The following RGS3 variants were observed in gnomAD, a reference collection of about 807,000 sequenced individuals.
RGS3 encodes the protein regulator of G-protein signalling 3.
Under a neutral mutation model 132.6 loss-of-function variants are expected in RGS3, and 80 were observed. The observed-to-expected ratio is 0.60, with a 90% CI of 0.50 to 0.73. The LOEUF is 0.73. RGS3 is among the 30% of genes least tolerant of loss of function. RGS3 has a pLI of 0.00. For missense variants in RGS3, 1,382 were observed against 1,530.8 expected (o/e 0.90, Z 1.62); for synonymous variants, 598 against 620.6 (o/e 0.96, Z 0.54).
At chr9:113,501,620 G>C in intron 10 of RGS3, 1 of 1,562,312 alleles carries the variant, frequency 6.4e-7, no homozygotes, top group Non-Finnish European at 8.6e-7. Flanking sequence ...TCGGAGCGCC[G>C]CTACCGCCAG....
At chr9:113,563,382 T>G (rs752674733) in intron 19 of RGS3, among the ~76,000 whole-genome samples, 20 of 152,138 alleles carry the variant, frequency 1.3e-4, no homozygotes, top group Non-Finnish European at 2.2e-4. Flanking sequence ...GTTTGTTGAT[T>G]GAAAGAAGGT....
intron 3 of RGS3, among the ~76,000 whole-genome samples, chr9:113,472,968 G>A (rs1829880306): frequency 6.6e-6 from 1 of 152,196 alleles, no homozygotes; most frequent in Non-Finnish European, 1.5e-5. Context: ...TTGAACCTGG[G>A]AGGCAGAGGT....
intron 19 of RGS3, among the ~76,000 whole-genome samples, chr9:113,551,563 T>G (rs770093141): frequency 2.0e-5 from 3 of 152,184 alleles, no homozygotes; most frequent in Non-Finnish European, 2.9e-5. Flanking sequence ...CCAAAGTGGA[T>G]GTACTGCTGG....
chr9:113,580,982 G>T (rs188981092), intron 19 of RGS3: 1 of 978,524 alleles, frequency 1.0e-6, no homozygotes, highest in African/African-American at 1.8e-5. Context: ...GCTTCCTTCC[G>T]TCTTTCCCCA....
chr9:113,473,821 C>T (rs527791606), intron 3 of RGS3, among the ~76,000 whole-genome samples: 66 of 152,292 alleles, frequency 4.3e-4, no homozygotes, highest in Non-Finnish European at 5.0e-4. Flanking sequence ...ACCTAGTAAA[C>T]ATCTAAGAAA....
chr9:113,482,863 C>T, intron 4 of RGS3, 196 bp from the exon 3 acceptor site: 1 of 1,397,458 alleles, frequency 7.2e-7, no homozygotes. Context: ...TAGACCAGAG[C>T]AGGTTCATAG....
At chr9:113,508,651 G>T (rs561794453) in intron 14 of RGS3, 71 bp downstream of exon 12, 2 of 1,527,190 alleles carry the variant, frequency 1.3e-6, no homozygotes, top group African/African-American at 1.4e-5. Context: ...GCCTGGCCCA[G>T]CCTCCGCCCC....
intron 17 of RGS3, among the ~76,000 whole-genome samples, chr9:113,526,042 G>T (rs986308304): frequency 6.6e-6 from 1 of 152,222 alleles, no homozygotes; most frequent in East Asian, 1.9e-4. Flanking sequence ...GAACATCTCC[G>T]GTCAGCCGGG....
intron 7 of RGS3, among the ~76,000 whole-genome samples, chr9:113,488,578 T>C (rs943603304): frequency 1.3e-5 from 2 of 152,154 alleles, no homozygotes; most frequent in Non-Finnish European, 2.9e-5. Context: ...ACCAAACTGC[T>C]GGAGAAGGAG....
At chr9:113,588,131 C>A (rs889444031) in intron 20 of RGS3, among the ~76,000 whole-genome samples, 4 of 152,238 alleles carry the variant, frequency 2.6e-5, no homozygotes, top group African/African-American at 9.6e-5. Context: ...TCCTTCCTCC[C>A]CTGCAGGGGA....
At chr9:113,595,895 A>G in intron 24 of RGS3, 130 bp downstream of exon 22, 1 of 978,208 alleles carries the variant, frequency 1.0e-6, no homozygotes, top group Non-Finnish European at 1.5e-6. Context: ...GGTACCCAGC[A>G]GGGAAGATGC....
chr9:113,474,081 A>AC (rs11386142), intron 3 of RGS3, among the ~76,000 whole-genome samples: 21,768 of 152,152 alleles, frequency 0.14, 1,699 homozygotes, highest in African/African-American at 0.2. Flanking sequence ...TTATCAAGAG[A>AC]CTGAATGCTA....
chr9:113,535,829 G>T (rs1396142396), intron 18 of RGS3, among the ~76,000 whole-genome samples: 1 of 152,130 alleles, frequency 6.6e-6, no homozygotes, highest in East Asian at 1.9e-4. Flanking sequence ...GACAGAGCTT[G>T]TACTCCCCTG....
At chr9:113,466,567 A>G (rs934074825) in intron 3 of RGS3, among the ~76,000 whole-genome samples, 2 of 152,180 alleles carry the variant, frequency 1.3e-5, no homozygotes, top group Admixed American at 1.3e-4. Flanking sequence ...GGGAGTAGGC[A>G]AGCTGAGGCT....
At chr9:113,590,553 C>T (rs1044294198) in intron 20 of RGS3, among the ~76,000 whole-genome samples, 3 of 150,072 alleles carry the variant, frequency 2.0e-5, no homozygotes, top group African/African-American at 7.5e-5. Flanking sequence ...TCCACCTATC[C>T]ACATATCCAT....
At chr9:113,504,412 G>A (rs1831042706) in intron 10 of RGS3, among the ~76,000 whole-genome samples, 2 of 152,196 alleles carry the variant, frequency 1.3e-5, no homozygotes, top group South Asian at 4.1e-4. Context: ...GAATGGGCTG[G>A]CAGACCACCC....
intron 13 of RGS3, among the ~76,000 whole-genome samples, chr9:113,508,330 T>C (rs572046416): frequency 6.6e-6 from 1 of 152,322 alleles, no homozygotes; most frequent in African/African-American, 2.4e-5. Flanking sequence ...TTAGGCTTCA[T>C]GACCCATAAA....
intron 1 of RGS3, among the ~76,000 whole-genome samples, chr9:113,447,666 C>T (rs1368959661): frequency 2.6e-5 from 4 of 151,872 alleles, no homozygotes; most frequent in Non-Finnish European, 2.9e-5. Context: ...ATGTACAAAG[C>T]AGTGGTCAAG....
At chr9:113,550,187 A>G (rs558809679) in intron 19 of RGS3, among the ~76,000 whole-genome samples, 74 of 152,170 alleles carry the variant, frequency 4.9e-4, no homozygotes, top group African/African-American at 1.7e-3. Context: ...ACATGGTGAA[A>G]CCCTGTCTCT....
Sources: gnomAD v4.1 joint callset for allele counts (sites outside exome capture counted in the v4.1 genomes callset) on GRCh38, gnomAD v4.1.1 for gene constraint, MANE v1.5 for transcripts, NCBI Gene and HGNC (gene_info 2026-07-23, HGNC 2026-07-21) for gene names.